Variants in RASSF6 observed in about 807,000 individuals in gnomAD.
RASSF6 encodes the protein ras association domain-containing protein 6.
Under a neutral mutation model 44.0 loss-of-function variants are expected in RASSF6, and 52 were observed. The ratio of observed to expected loss-of-function variants is 1.18; its 90% CI spans 0.95 to 1.49. The LOEUF is 1.49. Among genes scored for constraint, RASSF6 ranks in the 40% most tolerant of loss-of-function variants. The pLI is 0.00. For synonymous variants in RASSF6, 162 were observed against 124.6 expected (o/e 1.30, Z -2.00); for missense variants, 464 against 393.3 (o/e 1.18, Z -1.52).
At chr4:73,576,336 T>C (rs1723214234) in intron 10 of RASSF6, 26 bp from the exon 11 acceptor site, 3 of 1,505,440 alleles carry the variant, frequency 2.0e-6, no homozygotes, top group South Asian at 1.2e-5. Flanking sequence ...AGAAAGACTA[T>C]TAAAAATTGG....
At chr4:73,602,521 G>A (rs930241643) in intron 2 of RASSF6, among the ~76,000 whole-genome samples, 2 of 152,190 alleles carry the variant, frequency 1.3e-5, no homozygotes, top group South Asian at 2.1e-4. Flanking sequence ...TAATCAATAA[G>A]AGGAGCCCTG....
chr4:73,615,015 A>G (rs1726258093), intron 1 of RASSF6, among the ~76,000 whole-genome samples: 1 of 152,058 alleles, frequency 6.6e-6, no homozygotes, highest in African/African-American at 2.4e-5. Flanking sequence ...TTAACAGTGA[A>G]GTGAAATACA....
chr4:73,582,455 G>T (rs1578022170), intron 6 of RASSF6, among the ~76,000 whole-genome samples, 165 bp from the exon 7 acceptor site: 1 of 151,946 alleles, frequency 6.6e-6, no homozygotes, highest in Non-Finnish European at 1.5e-5. Context: ...AATATTATGT[G>T]TTCTTTTAAG....
chr4:73,595,818 G>A lies in RASSF6; in HGVS notation c.145-2225C>T, dbSNP rs75010562. On this transcript the variant is annotated intron_variant, in intron 3 of 10. Transcript: ENST00000307439. ...TCAGTATATTATTGAATTTGGGAAAGTAACTGAAATACCCAATTGAACTAA... is the reference window on the plus strand; with the variant it reads ...TCAGTATATTATTGAATTTGGGAAAATAACTGAAATACCCAATTGAACTAA... Among the ~76,000 whole-genome samples the A allele has an allele frequency of 7.4e-3, 1,119 of 152,238 alleles. 19 individuals are homozygous for A. The highest frequency in any genetic ancestry group is 0.025 in the African/African-American group (1,044 of 41,552).
chr4:73,599,156 G>A (rs1725122529), intron 2 of RASSF6, among the ~76,000 whole-genome samples: 1 of 152,188 alleles, frequency 6.6e-6, no homozygotes, highest in African/African-American at 2.4e-5. Flanking sequence ...CCAAATCTGT[G>A]TTCCCTTGTG....
chr4:73,611,614 A>G (rs1726016561), intron 2 of RASSF6, 117 bp downstream of exon 2: 1 of 592,060 alleles, frequency 1.7e-6, no homozygotes, highest in Non-Finnish European at 3.1e-6. Context: ...TAGTATCTCT[A>G]CTGATGATTC....
intron 5 of RASSF6, 59 bp downstream of exon 5, chr4:73,587,781 G>A: frequency 9.7e-7 from 1 of 1,028,912 alleles, no homozygotes; most frequent in Admixed American, 1.7e-5. Context: ...AACATATGGA[G>A]TCATACTTTA....
intron 1 of RASSF6, among the ~76,000 whole-genome samples, chr4:73,618,975 G>C (rs1423203786): frequency 6.6e-6 from 1 of 152,152 alleles, no homozygotes; most frequent in Non-Finnish European, 1.5e-5. Flanking sequence ...TGTAATTTAA[G>C]CTTAAGAGGT....
chr4:73,616,221 A>ATCTATC (rs1460400376), intron 1 of RASSF6, among the ~76,000 whole-genome samples: 10 of 149,022 alleles, frequency 6.7e-5, no homozygotes, highest in Admixed American at 4.7e-4. Context: ...ACATATATCT[A>ATCTATC]TATCTATCTA....
chr4:73,614,552 C>T (rs1170960189), intron 1 of RASSF6, among the ~76,000 whole-genome samples: 1 of 152,204 alleles, frequency 6.6e-6, no homozygotes, highest in Non-Finnish European at 1.5e-5. Flanking sequence ...CCACTGATAG[C>T]AGCTTCTTAT....
At chr4:73,620,143 G>T in intron 1 of RASSF6, 145 bp downstream of exon 1, 3 of 401,964 alleles carry the variant, frequency 7.5e-6, no homozygotes, top group Non-Finnish European at 8.6e-6. Context: ...AAAATCAAAA[G>T]GAAAAGGCAT....
Position 73,573,520 on chromosome 4 carries a change from T to C in RASSF6, c.*2715A>G, listed in dbSNP as rs1723028400. ...ATAAATAACAATATAAAACATATCT[T>C]TGCAGAATGTCTTTGTATCTCTGGT... On this transcript the variant is annotated 3_prime_UTR_variant, in exon 11 of 11. Transcript: ENST00000307439. The C allele has an allele frequency of 6.6e-6, 1 of 152,214 alleles. No homozygotes were observed. Among genetic ancestry groups the C allele is most frequent in the East Asian group, 1.9e-4 (1 of 5,196 alleles). The allele number at this position is 152,214 out of a possible 1,614,324, so 9.4% of individuals were successfully genotyped here. A position where few individuals can be genotyped will look rare whatever the true frequency, so the allele number is the denominator to read the frequency against.
intron 3 of RASSF6, 134 bp downstream of exon 3, chr4:73,598,506 G>A (rs1251848406): frequency 3.8e-6 from 2 of 532,916 alleles, no homozygotes; most frequent in Non-Finnish European, 6.6e-6. Flanking sequence ...AGTCACAAGT[G>A]TTCCAAGCCC....
intron 5 of RASSF6, among the ~76,000 whole-genome samples, 180 bp downstream of exon 5, chr4:73,587,660 C>A (rs184761155): frequency 6.6e-6 from 1 of 151,890 alleles, no homozygotes; most frequent in East Asian, 1.9e-4. Flanking sequence ...AAACATCATA[C>A]AAGCACTATA....
At chr4:73,591,905 C>T (rs970101454) in intron 4 of RASSF6, among the ~76,000 whole-genome samples, 3 of 152,098 alleles carry the variant, frequency 2.0e-5, no homozygotes, top group Admixed American at 1.3e-4. Context: ...TCCCTACCAC[C>T]GAGAAGCTTG....
rs1004347242 is a variant in RASSF6, at chr4:73,575,283, C to A, written c.*952G>T. ...ATAAAATCATAGTTTATACTTATAGCATTTCTTCATTTTTAGTGTTTTTTT... is the reference window on the plus strand; with the variant it reads ...ATAAAATCATAGTTTATACTTATAGAATTTCTTCATTTTTAGTGTTTTTTT... On this transcript the variant is annotated 3_prime_UTR_variant, in exon 11 of 11. Transcript: ENST00000307439. The A allele has an allele frequency of 5.9e-5, 9 of 151,576 alleles. No individual in the cohort carries two copies. Among genetic ancestry groups the A allele is most frequent in the Admixed American group, 4.6e-4 (7 of 15,218 alleles). The allele number at this position is 151,576 out of a possible 1,614,324, so 9.4% of individuals were successfully genotyped here.
At position 73,572,585 on chromosome 4, in the gene RASSF6, G is replaced by T. The variant is rs550709162; in HGVS notation, c.*3650C>A. 6.6e-6 allele frequency: 1 copy of T among 152,184 alleles called. No homozygotes were observed. The highest frequency in any genetic ancestry group is 1.5e-5 in the Non-Finnish European group (1 of 67,998). 9.4% of individuals were successfully genotyped at this position (152,184 alleles called of 1,614,324 possible). A position where few individuals can be genotyped will look rare whatever the true frequency, so the allele number is the denominator to read the frequency against. ...GTCACTAAGTCCAGCCCATTTTCAGGATGAGGAAGATTAAGCTTCATCTCT... is the reference window on the plus strand; with the variant it reads ...GTCACTAAGTCCAGCCCATTTTCAGTATGAGGAAGATTAAGCTTCATCTCT... On this transcript the variant is annotated 3_prime_UTR_variant, in exon 11 of 11. Coordinates refer to ENST00000307439, the MANE Select transcript of RASSF6 (RefSeq NM_177532.5).
Position 73,593,605 on chromosome 4 carries a change from A to G in RASSF6, c.145-12T>C, listed in dbSNP as rs961839654. 2.0e-5 allele frequency: 32 copies of G among 1,609,814 alleles called. No individual in the cohort carries two copies. The highest frequency in any genetic ancestry group is 5.1e-5 in the Admixed American group (3 of 59,398). ...TTGCCATCTTCAGTCTAAGGAAGAAATGAATAATCCCCCAATTGTTTTTGT... is the reference window on the plus strand; with the variant it reads ...TTGCCATCTTCAGTCTAAGGAAGAAGTGAATAATCCCCCAATTGTTTTTGT... On this transcript the variant is annotated splice_polypyrimidine_tract_variant and intron_variant, in intron 3 of 10. Coordinates refer to ENST00000307439, the MANE Select transcript of RASSF6 (RefSeq NM_177532.5).
At chr4:73,576,877 T>C (rs1255782245) in intron 8 of RASSF6, 146 bp from the exon 9 acceptor site, 10 of 616,274 alleles carry the variant, frequency 1.6e-5, no homozygotes, top group Middle Eastern at 4.3e-4. Context: ...AAAAAGCAAA[T>C]TGAAATTAAA....
Sources: gnomAD v4.1 joint callset for allele counts (sites outside exome capture counted in the v4.1 genomes callset) on GRCh38, gnomAD v4.1.1 for gene constraint, MANE v1.5 for transcripts, NCBI Gene and HGNC (gene_info 2026-07-23, HGNC 2026-07-21) for gene names.